DCAF17: variants seen among roughly 807,000 people sequenced by gnomAD.
DCAF17 encodes the protein DDB1 and CUL4 associated factor 17.
A neutral mutation model predicts 66.0 loss-of-function variants in DCAF17; 48 were observed. That is an observed-to-expected ratio of 0.73 (90% CI 0.58 to 0.92). The LOEUF (loss-of-function observed/expected upper bound fraction) is 0.92, where lower values mean the gene tolerates loss of function less well. Among genes scored for constraint, DCAF17 ranks in the 40% least tolerant of loss-of-function variants. The probability of loss-of-function intolerance (pLI) is 0.00; values close to 1 mark genes in which losing one functional copy is unlikely to be tolerated. For synonymous variants in DCAF17, 206 were observed against 214.6 expected (o/e 0.96, Z 0.35); for missense variants, 562 against 622.8 (o/e 0.90, Z 1.04).
At chr2:171,463,100 G>A (rs188936358) in intron 8 of DCAF17, among the ~76,000 whole-genome samples, 13 of 151,876 alleles carry the variant, frequency 8.6e-5, no homozygotes, top group African/African-American at 2.9e-4. Flanking sequence ...GTGTGGTGGC[G>A]AGCACCTGTG....
At chr2:171,467,113 A>C (rs1695949196) in intron 8 of DCAF17, among the ~76,000 whole-genome samples, 1 of 152,002 alleles carries the variant, frequency 6.6e-6, no homozygotes, top group African/African-American at 2.4e-5. Flanking sequence ...TTTGTGAACC[A>C]CTTTTTATGA....
At chr2:171,447,108 CT>C (rs1694670314) in intron 3 of DCAF17, among the ~76,000 whole-genome samples, 1 of 151,400 alleles carries the variant, frequency 6.6e-6, no homozygotes, top group Admixed American at 6.6e-5. Context: ...TATGTTATTT[CT>C]TACTGAAATT....
intron 8 of DCAF17, among the ~76,000 whole-genome samples, chr2:171,464,068 C>A (rs1695752581): frequency 6.6e-6 from 1 of 152,122 alleles, no homozygotes; most frequent in Non-Finnish European, 1.5e-5. Flanking sequence ...CTGAATTTGG[C>A]CAACAGAAAC....
chr2:171,438,515 T>C (rs1166902235), intron 2 of DCAF17, among the ~76,000 whole-genome samples: 1 of 152,232 alleles, frequency 6.6e-6, no homozygotes, highest in African/African-American at 2.4e-5. Flanking sequence ...TTTGCCACAT[T>C]GTGTTTTGAT....
rs368727688 is a variant in DCAF17 at position 171,458,121 on chromosome 2, C to T, written c.732+46C>T. On this transcript the variant is annotated intron_variant, in intron 7 of 13. Transcript: ENST00000375255. The stretch of plus-strand genomic sequence containing the variant: ...TCATGTTACTATTAGCATGAGTTTT[C>T]GACTAAAGTATGATTTTTTTTTTTA... The T allele has an allele frequency of 4.4e-4, 674 of 1,523,784 alleles. 9 individuals carry two copies. In the South Asian group the frequency reaches 7.3e-3, roughly 16 times the overall value. 94.4% of individuals were successfully genotyped at this position (1,523,784 alleles called of 1,614,324 possible). A position where few individuals can be genotyped will look rare whatever the true frequency, so the allele number is the denominator to read the frequency against.
chr2:171,475,598 C>T (rs552364687), intron 10 of DCAF17, among the ~76,000 whole-genome samples: 15 of 152,194 alleles, frequency 9.9e-5, no homozygotes, highest in East Asian at 3.9e-4. Context: ...GACTTCGTCT[C>T]TACAAAAAAT....
Position 171,482,642 on chromosome 2 carries a change from G to C in DCAF17, c.*1528G>C. The C allele has an allele frequency of 2.2e-6, 1 of 453,964 alleles. No homozygotes were observed. The highest frequency in any genetic ancestry group is 1.6e-5 in the South Asian group (1 of 64,474). 28.1% of individuals were successfully genotyped at this position (453,964 alleles called of 1,614,324 possible). On this transcript the variant is annotated 3_prime_UTR_variant, in exon 14 of 14. Coordinates refer to ENST00000375255, the MANE Select transcript of DCAF17 (RefSeq NM_025000.4). ...TTCCAAGAGTGTTTCAGAATAGGAT[G>C]TCTTAAGACTTCAGTCATGTCAGAG...
At chr2:171,477,085 A>C in intron 11 of DCAF17, 135 bp downstream of exon 11, 1 of 688,314 alleles carries the variant, frequency 1.5e-6, no homozygotes. Flanking sequence ...CATTTTGTCT[A>C]CATGGGTAGC....
chr2:171,440,652 G>A (rs1376610464), intron 2 of DCAF17, among the ~76,000 whole-genome samples: 1 of 152,200 alleles, frequency 6.6e-6, no homozygotes, highest in Non-Finnish European at 1.5e-5. Flanking sequence ...ATGTTTATCT[G>A]AGTAGGAGTT....
intron 8 of DCAF17, among the ~76,000 whole-genome samples, chr2:171,460,068 T>C (rs935074312): frequency 6.6e-6 from 1 of 152,152 alleles, no homozygotes; most frequent in African/African-American, 2.4e-5. Flanking sequence ...CTCAAGACTG[T>C]AATTCCAGCA....
At chr2:171,461,725 G>A (rs1695597301) in intron 8 of DCAF17, among the ~76,000 whole-genome samples, 1 of 152,138 alleles carries the variant, frequency 6.6e-6, no homozygotes, top group Non-Finnish European at 1.5e-5. Context: ...TTTGTCAAAT[G>A]TATACATCCA....
intron 13 of DCAF17, 36 bp from the exon 14 acceptor site, chr2:171,480,938 G>C: frequency 6.2e-7 from 1 of 1,612,998 alleles, no homozygotes; most frequent in Non-Finnish European, 8.5e-7. Flanking sequence ...ATATGGCTGT[G>C]TGAAAAGGAC....
chr2:171,457,960 C>A lies in DCAF17; in HGVS notation c.628-11C>A, dbSNP rs375412538. ...CTTTTCTCAGGTGATATCTGTCTTT[C>A]CCCCCGCCAGATTTTTGGGAACGTT... On this transcript the variant is annotated splice_polypyrimidine_tract_variant and intron_variant, in intron 6 of 13. Coordinates refer to ENST00000375255, the MANE Select transcript of DCAF17 (RefSeq NM_025000.4). The A allele has an allele frequency of 8.1e-6, 13 of 1,602,644 alleles. No individual in the cohort carries two copies. The South Asian group carries it at 9.9e-5, about 12-fold the overall frequency.
At chr2:171,453,292 T>A (rs1407044415) in intron 6 of DCAF17, 79 bp downstream of exon 6, 1 of 1,124,018 alleles carries the variant, frequency 8.9e-7, no homozygotes, top group Non-Finnish European at 1.3e-6. Flanking sequence ...ATTTATGAGA[T>A]ATTTGATTGG....
At chr2:171,469,120 CTT>C in intron 9 of DCAF17, 90 bp downstream of exon 9, 1 of 1,417,056 alleles carries the variant, frequency 7.1e-7, no homozygotes, top group Non-Finnish European at 9.9e-7. Flanking sequence ...CTAAGAATTA[CTT>C]TTTTGTGCAT....
At chr2:171,453,796 T>C (rs182402251) in intron 6 of DCAF17, among the ~76,000 whole-genome samples, 1 of 152,296 alleles carries the variant, frequency 6.6e-6, no homozygotes, top group Admixed American at 6.5e-5. Flanking sequence ...TGGTGCATAG[T>C]TATTTATTGA....
intron 10 of DCAF17, among the ~76,000 whole-genome samples, chr2:171,475,644 T>G (rs1049884030): frequency 6.6e-6 from 1 of 152,136 alleles, no homozygotes; most frequent in Admixed American, 6.6e-5. Context: ...GCACCTGTGG[T>G]CTTAGCTCCT....
intron 8 of DCAF17, 147 bp from the exon 9 acceptor site, chr2:171,468,741 A>G: frequency 7.3e-6 from 8 of 1,102,806 alleles, no homozygotes; most frequent in Non-Finnish European, 1.1e-5. Flanking sequence ...TCCTTACCTG[A>G]TTGTATTTTA....
intron 8 of DCAF17, among the ~76,000 whole-genome samples, chr2:171,463,410 G>T (rs886508791): frequency 3.3e-5 from 5 of 152,022 alleles, no homozygotes; most frequent in African/African-American, 1.2e-4. Context: ...TATATATGGT[G>T]ATGTGCTTTT....
Sources: gnomAD v4.1 joint callset for allele counts (sites outside exome capture counted in the v4.1 genomes callset) on GRCh38, gnomAD v4.1.1 for gene constraint, MANE v1.5 for transcripts, NCBI Gene and HGNC (gene_info 2026-07-23, HGNC 2026-07-21) for gene names.